The following CNTLN variants were observed in gnomAD, a reference collection of about 807,000 sequenced individuals.
CNTLN encodes the protein centlein, centrosomal protein.
Under a neutral mutation model 180.0 loss-of-function variants are expected in CNTLN, and 212 were observed. The ratio of observed to expected loss-of-function variants is 1.18; its 90% confidence interval spans 1.05 to 1.32. The LOEUF is 1.32. Ranked by LOEUF, CNTLN falls within the 40% of genes most tolerant of loss-of-function variation. CNTLN has a pLI of 0.00. For synonymous variants in CNTLN, 722 were observed against 563.1 expected, an observed-to-expected ratio of 1.28 and a Z score of -3.99; for missense variants, 2,095 against 1,610.9, an observed-to-expected ratio of 1.30 and a Z score of -5.14.
intron 8 of CNTLN, among the ~76,000 whole-genome samples, chr9:17,320,067 C>T (rs555477942): frequency 2.6e-4 from 40 of 152,278 alleles, no homozygotes; most frequent in African/African-American, 9.4e-4. Context: ...CAGTAGAGGA[C>T]AAGAGAGAAA....
At chr9:17,185,852 G>A (rs1200161795) in intron 2 of CNTLN, among the ~76,000 whole-genome samples, 1 of 151,362 alleles carries the variant, frequency 6.6e-6, no homozygotes, top group Non-Finnish European at 1.5e-5. Context: ...GAGTGCAGTG[G>A]TGAGCTCATG....
chr9:17,136,776 C>G lies in CNTLN; in HGVS notation c.360+1351C>G, dbSNP rs1187655078. Reference sequence around the variant, plus strand: ...GCCCTCTTTTCGTTTTACCATTTTTCTGTTCTTCGTTGGATAAGGAGCAAA... The same window carrying G: ...GCCCTCTTTTCGTTTTACCATTTTTGTGTTCTTCGTTGGATAAGGAGCAAA... On this transcript the variant is annotated intron_variant, in intron 1 of 25. Coordinates refer to ENST00000380647, the MANE Select transcript of CNTLN (RefSeq NM_017738.4). 2.6e-5 allele frequency among the ~76,000 whole-genome samples: 4 copies of G among 152,088 alleles called. No individual in the cohort carries two copies. The East Asian group carries it at 7.7e-4, about 29-fold the overall frequency.
chr9:17,413,233 C>T (rs1827986991), intron 16 of CNTLN, among the ~76,000 whole-genome samples: 1 of 152,052 alleles, frequency 6.6e-6, no homozygotes, highest in Non-Finnish European at 1.5e-5. Context: ...GGAACCTATA[C>T]CTAGACTTTA....
At chr9:17,419,102 T>C (rs1354600735) in intron 18 of CNTLN, among the ~76,000 whole-genome samples, 1 of 152,090 alleles carries the variant, frequency 6.6e-6, no homozygotes, top group African/African-American at 2.4e-5. Flanking sequence ...GTCATCACTT[T>C]AACTGTATTT....
chr9:17,239,148 C>T (rs1198956392), intron 5 of CNTLN, among the ~76,000 whole-genome samples: 1 of 152,082 alleles, frequency 6.6e-6, no homozygotes, highest in Non-Finnish European at 1.5e-5. Context: ...AAGCTATTCT[C>T]CTCCCGAGAA....
rs545867999 is a variant in CNTLN at position 17,317,146 on chromosome 9, T to A, written c.1341+7894T>A. Among the ~76,000 whole-genome samples the A allele has an allele frequency of 3.9e-5, 6 of 152,276 alleles. No homozygotes were observed. The East Asian group carries it at 9.7e-4, about 25-fold the overall frequency. ...AATTTTATTATTGTTCCTTTGTATA[T>A]GTCATACATATGTGGAGTTTGAAAA... is the stretch of plus-strand genomic sequence containing the variant. On this transcript the variant is annotated intron_variant, in intron 8 of 25. Transcript: ENST00000380647.
chr9:17,305,743 C>T (rs1217318060), intron 7 of CNTLN, among the ~76,000 whole-genome samples: 1 of 152,062 alleles, frequency 6.6e-6, no homozygotes, highest in Non-Finnish European at 1.5e-5. Flanking sequence ...GGACTGAGGC[C>T]TAGAGTTAAA....
At chr9:17,374,983 G>A (rs549729153) in intron 13 of CNTLN, among the ~76,000 whole-genome samples, 2 of 152,184 alleles carry the variant, frequency 1.3e-5, no homozygotes, top group East Asian at 3.9e-4. Context: ...GTTTATTGCA[G>A]CATTATTCAT....
chr9:17,406,869 C>T (rs1380997056), intron 15 of CNTLN, among the ~76,000 whole-genome samples: 1 of 151,678 alleles, frequency 6.6e-6, no homozygotes, highest in Non-Finnish European at 1.5e-5. Context: ...CCTGCCCACC[C>T]CCCACCAAGG....
At chr9:17,319,275 G>A (rs1277136244) in intron 8 of CNTLN, among the ~76,000 whole-genome samples, 1 of 152,212 alleles carries the variant, frequency 6.6e-6, no homozygotes, top group Non-Finnish European at 1.5e-5. Context: ...GCATCCTAGG[G>A]TGGGAGTAGT....
At chr9:17,469,753 C>G (rs1005228796) in intron 23 of CNTLN, among the ~76,000 whole-genome samples, 5 of 148,824 alleles carry the variant, frequency 3.4e-5, no homozygotes, top group African/African-American at 1.3e-4. Context: ...TCTTTGTTCT[C>G]TCCTTCAGAT....
At chr9:17,343,895 G>A (rs1352743228) in intron 12 of CNTLN, among the ~76,000 whole-genome samples, 3 of 152,102 alleles carry the variant, frequency 2.0e-5, no homozygotes, top group African/African-American at 7.2e-5. Context: ...TGTGTTTACA[G>A]ATTTGCCTAT....
At chr9:17,527,373 CA>C in the CNTLN span, among the ~76,000 whole-genome samples, 1 of 152,170 alleles carries the variant, frequency 6.6e-6, no homozygotes, top group Non-Finnish European at 1.5e-5. Flanking sequence ...TAAAACTTTT[CA>C]AGCAGGCTAT....
intron 18 of CNTLN, chr9:17,447,134 T>G (rs1830486722): frequency 4.6e-6 from 1 of 216,912 alleles, no homozygotes; most frequent in Admixed American, 4.1e-5. Context: ...CTTCTCCCGC[T>G]GCGGTGTCAG....
At chr9:17,469,666 TC>T (rs368549787) in intron 23 of CNTLN, among the ~76,000 whole-genome samples, 21 of 152,016 alleles carry the variant, frequency 1.4e-4, no homozygotes, top group African/African-American at 4.1e-4. Flanking sequence ...TAATCTTCTT[TC>T]CCACTACTCT....
intron 8 of CNTLN, among the ~76,000 whole-genome samples, chr9:17,326,397 A>C (rs979646569): frequency 6.6e-6 from 1 of 152,068 alleles, no homozygotes; most frequent in African/African-American, 2.4e-5. Context: ...ATGAACTTCC[A>C]CAGAGAGGGG....
the CNTLN span, among the ~76,000 whole-genome samples, chr9:17,521,175 G>A: frequency 0.97 from 147,517 of 152,066 alleles, 71,602 homozygotes; most frequent in Middle Eastern, 0.99. Context: ...GCATTATTTA[G>A]GATGTGATTC....
At chr9:17,505,505 G>A (rs1833917464), downstream of CNTLN, among the ~76,000 whole-genome samples, 1 of 152,046 alleles carries the variant, frequency 6.6e-6, no homozygotes, top group Admixed American at 6.6e-5. Flanking sequence ...AAAAAATGTG[G>A]AAAATGAAAT....
chr9:17,187,449 A>T (rs921076769), intron 2 of CNTLN, among the ~76,000 whole-genome samples: 1 of 152,054 alleles, frequency 6.6e-6, no homozygotes, highest in African/African-American at 2.4e-5. Context: ...AACAAGTAGT[A>T]ATGGGGTCAT....
Sources: gnomAD v4.1 joint callset for allele counts (sites outside exome capture counted in the v4.1 genomes callset) on GRCh38, gnomAD v4.1.1 for gene constraint, MANE v1.5 for transcripts, NCBI Gene and HGNC (gene_info 2026-07-23, HGNC 2026-07-21) for gene names.